The following GFRA3 variants were observed in gnomAD, a reference collection of about 807,000 sequenced individuals.
The protein encoded by GFRA3 is GDNF family receptor alpha 3.
In GFRA3, 24 loss-of-function variants were observed where a neutral mutation model predicts 40.0. The ratio of observed to expected loss-of-function variants is 0.60; its 90% CI spans 0.43 to 0.84. The LOEUF (loss-of-function observed/expected upper bound fraction) is 0.84, where lower values mean the gene tolerates loss of function less well. GFRA3 is among the 40% of genes least tolerant of loss of function. The pLI, the probability that GFRA3 is intolerant of heterozygous loss-of-function variation, is 0.00. For missense variants in GFRA3, 405 were observed against 530.6 expected (o/e 0.76, Z 2.33); for synonymous variants, 203 against 213.5 (o/e 0.95, Z 0.43).
chr5:138,270,628 G>C (rs749137315), intron 1 of GFRA3, among the ~76,000 whole-genome samples: 1 of 151,870 alleles, frequency 6.6e-6, no homozygotes, highest in Non-Finnish European at 1.5e-5. Context: ...TTGGGTGATG[G>C]GTACACCAAA....
intron 1 of GFRA3, among the ~76,000 whole-genome samples, chr5:138,272,958 C>A (rs1198060324): frequency 1.3e-5 from 2 of 152,142 alleles, no homozygotes; most frequent in African/African-American, 2.4e-5. Flanking sequence ...GGCACAAGAT[C>A]CTCATTTGTT....
intron 2 of GFRA3, among the ~76,000 whole-genome samples, chr5:138,261,661 T>G (rs1581510209): frequency 8.5e-6 from 1 of 116,984 alleles, no homozygotes; most frequent in Non-Finnish European, 1.6e-5. Context: ...GCCACTGCAC[T>G]CCAGCCAGGG....
chr5:138,260,099 C>A (rs576351638), intron 2 of GFRA3, among the ~76,000 whole-genome samples: 1 of 152,210 alleles, frequency 6.6e-6, no homozygotes, highest in East Asian at 1.9e-4. Context: ...TTGTTCCCCA[C>A]CCCTTGGGAG....
intron 2 of GFRA3, among the ~76,000 whole-genome samples, chr5:138,259,893 C>T (rs554088472): frequency 1.3e-5 from 2 of 152,202 alleles, no homozygotes; most frequent in African/African-American, 4.8e-5. Flanking sequence ...GTGTGCTGAG[C>T]ACCATGCTAT....
Position 138,257,773 on chromosome 5 carries a change from C to T in GFRA3, c.651G>A (p.Leu217=). 6.2e-7 allele frequency: 1 copy of T among 1,611,640 alleles called. No homozygotes were observed. Among genetic ancestry groups the T allele is most frequent in the Non-Finnish European group, 8.5e-7 (1 of 1,178,650 alleles). The change falls in exon 4 of 8, where the codon CTG becomes CTA. Residue 217 remains leucine (L), a synonymous_variant. Coordinates refer to ENST00000274721, the MANE Select transcript of GFRA3 (RefSeq NM_001496.4). ...AAEPHAQGLL[L]CPCAPNDRGC... is the part of the protein sequence containing the mutation. ...CCCGGTCGTTGGGGGCACATGGGCA[C>T]AGTAGCAGGCCCTGCGCGTGGGGCT...
At chr5:138,274,242 T>C in intron 1 of GFRA3, 92 bp downstream of exon 1, 1 of 1,298,268 alleles carries the variant, frequency 7.7e-7, no homozygotes. Flanking sequence ...GGGAGGCTGC[T>C]GCGCCCTCTC....
At chr5:138,253,568 A>C (rs995575928) in intron 6 of GFRA3, among the ~76,000 whole-genome samples, 193 bp from the exon 7 acceptor site, 19 of 152,152 alleles carry the variant, frequency 1.2e-4, no homozygotes, top group African/African-American at 4.6e-4. Context: ...GACAGGTTGA[A>C]CAGGCAGCGT....
chr5:138,266,450 T>A (rs1755783804), intron 1 of GFRA3, among the ~76,000 whole-genome samples: 2 of 152,242 alleles, frequency 1.3e-5, no homozygotes, highest in South Asian at 4.1e-4. Context: ...TTTTATGTGC[T>A]TGTTAGCCAT....
chr5:138,253,198 C>T, intron 7 of GFRA3, 89 bp downstream of exon 7: 2 of 924,040 alleles, frequency 2.2e-6, no homozygotes, highest in Non-Finnish European at 3.5e-6. Flanking sequence ...GGAGGTCAGC[C>T]CCTCGCCTCT....
rs1755570917 is a variant in GFRA3 at position 138,252,995 on chromosome 5, G to C, written c.1176C>G (p.Pro392=). 1 of 1,607,430 alleles carries C rather than the reference G, an allele frequency of 6.2e-7. No individual in the cohort carries two copies. Among genetic ancestry groups the C allele is most frequent in the South Asian group, 1.1e-5 (1 of 90,814 alleles). ...ACCATAGGCTCAGGAGCAGAATCAA[G>C]GGAAGCGTGCAGGAGAAAAGAGAGG... ...WVPSLFSCTL[P]LILLLSLW The change falls in exon 8 of 8, where the codon CCC becomes CCG. Residue 392 remains proline (P), a synonymous_variant. Coordinates refer to ENST00000274721, the MANE Select transcript of GFRA3 (RefSeq NM_001496.4).
At chr5:138,259,120 A>T (rs2126613917) in intron 3 of GFRA3, among the ~76,000 whole-genome samples, 1 of 152,280 alleles carries the variant, frequency 6.6e-6, no homozygotes, top group African/African-American at 2.4e-5. Context: ...GTGCAGAGTC[A>T]CACTCTCTTT....
intron 2 of GFRA3, 27 bp downstream of exon 2, chr5:138,264,234 T>C (rs2126616676): frequency 6.4e-7 from 1 of 1,554,888 alleles, no homozygotes; most frequent in South Asian, 1.2e-5. Context: ...TTCCCCAGCT[T>C]AGTCCACTCT....
chr5:138,274,243 G>A, intron 1 of GFRA3, 91 bp downstream of exon 1: 1 of 1,298,180 alleles, frequency 7.7e-7, no homozygotes. Context: ...GGAGGCTGCT[G>A]CGCCCTCTCC....
At chr5:138,256,864 T>C (rs985229113) in intron 4 of GFRA3, among the ~76,000 whole-genome samples, 3 of 151,290 alleles carry the variant, frequency 2.0e-5, no homozygotes, top group African/African-American at 7.3e-5. Context: ...GAAGAATCGC[T>C]TGAACCTGGC....
intron 4 of GFRA3, among the ~76,000 whole-genome samples, chr5:138,257,408 T>C (rs1755647148): frequency 6.6e-6 from 1 of 152,220 alleles, no homozygotes; most frequent in Non-Finnish European, 1.5e-5. Context: ...TTTTTAATGA[T>C]TTTTTAAAAT....
At chr5:138,255,677 T>C (rs1259094309) in intron 4 of GFRA3, among the ~76,000 whole-genome samples, 1 of 152,052 alleles carries the variant, frequency 6.6e-6, no homozygotes, top group African/African-American at 2.4e-5. Context: ...AGTGGGCTGA[T>C]CACTTGAGCT....
Position 138,257,718 on chromosome 5 carries a change from C to T in GFRA3, c.706G>A (p.Ala236Thr). The T allele has an allele frequency of 6.2e-7, 1 of 1,610,368 alleles. No individual in the cohort carries two copies. The highest frequency in any genetic ancestry group is 8.5e-7 in the Non-Finnish European group (1 of 1,178,768). ...ACAGGCGGCAGCGCGCAGTTGGGGG[C>T]GATGGTGTTGCGCCGGCGCTCCCCG... The part of the protein sequence containing the change: ...GCGERRRNTI[A>T]PNCALPPVAP... The change falls in exon 4 of 8, where the codon GCC becomes ACC. Residue 236 changes from alanine (A) to threonine (T), a missense_variant. By Grantham distance (58) the Ala-to-Thr change is moderately conservative. Transcript: ENST00000274721.
At chr5:138,256,161 G>A (rs1755624912) in intron 4 of GFRA3, among the ~76,000 whole-genome samples, 1 of 148,734 alleles carries the variant, frequency 6.7e-6, no homozygotes, top group Non-Finnish European at 1.5e-5. Context: ...AAACCAGGAG[G>A]CGGAGGCTGC....
intron 6 of GFRA3, among the ~76,000 whole-genome samples, 181 bp from the exon 7 acceptor site, chr5:138,253,556 C>T (rs1755581951): frequency 6.6e-6 from 1 of 152,152 alleles, no homozygotes; most frequent in African/African-American, 2.4e-5. Context: ...CCCTGGGTTC[C>T]AGACAGGTTG....
Sources: gnomAD v4.1 joint callset for allele counts (sites outside exome capture counted in the v4.1 genomes callset) on GRCh38, gnomAD v4.1.1 for gene constraint, MANE v1.5 for transcripts, NCBI Gene and HGNC (gene_info 2026-07-23, HGNC 2026-07-21) for gene names.